DNAJC8: variants seen among roughly 807,000 people sequenced by gnomAD.
The protein encoded by DNAJC8 is dnaJ homolog subfamily C member 8.
DNAJC8 carries 24 observed loss-of-function variants against 43.2 expected under a neutral mutation model. The ratio of observed to expected loss-of-function variants is 0.56; its 90% CI spans 0.40 to 0.78. DNAJC8 has a LOEUF of 0.78. Ranked by LOEUF, DNAJC8 falls within the 30% of genes least tolerant of loss-of-function variation. DNAJC8 has a pLI of 0.00. For missense variants in DNAJC8, 207 were observed against 299.4 expected (o/e 0.69, Z 2.28); for synonymous variants, 83 against 98.0 (o/e 0.85, Z 0.90).
chr1:28,218,888 G>A (rs1379175967), intron 2 of DNAJC8, among the ~76,000 whole-genome samples: 1 of 152,110 alleles, frequency 6.6e-6, no homozygotes, highest in African/African-American at 2.4e-5. Context: ...ATTTACAGAC[G>A]AGGGACTGTA....
chr1:28,212,096 C>T (rs2149017193), intron 3 of DNAJC8, among the ~76,000 whole-genome samples: 1 of 146,522 alleles, frequency 6.8e-6, no homozygotes, highest in African/African-American at 2.5e-5. Flanking sequence ...GTGGAGGCTG[C>T]CGTGAGCCAA....
intron 7 of DNAJC8, among the ~76,000 whole-genome samples, chr1:28,204,227 A>T (rs1172421556): frequency 6.6e-6 from 1 of 152,164 alleles, no homozygotes. Flanking sequence ...ATTTCACACA[A>T]CCTCAACTAG....
chr1:28,227,476 T>C (rs1037839486), intron 2 of DNAJC8, among the ~76,000 whole-genome samples: 2 of 143,688 alleles, frequency 1.4e-5, no homozygotes, highest in Non-Finnish European at 3.1e-5. Context: ...GCTGTAATCC[T>C]AGCACTATGG....
intron 7 of DNAJC8, 89 bp downstream of exon 7, chr1:28,205,169 A>G: frequency 2.0e-6 from 2 of 990,912 alleles, no homozygotes; most frequent in Non-Finnish European, 3.1e-6. Flanking sequence ...GGTATACTAT[A>G]TAATTCCCTC....
chr1:28,214,619 T>C (rs530773399), intron 3 of DNAJC8, among the ~76,000 whole-genome samples: 1 of 152,230 alleles, frequency 6.6e-6, no homozygotes, highest in African/African-American at 2.4e-5. Context: ...TTTGATATGT[T>C]CCCTCCTAGA....
Position 28,210,174 on chromosome 1 carries a change from T to C in DNAJC8, c.305-108A>G. The C allele has an allele frequency of 4.4e-6, 4 of 904,312 alleles. No individual in the cohort carries two copies. In the South Asian group the frequency reaches 5.9e-5, roughly 13 times the overall value. 56.0% of individuals were successfully genotyped at this position (904,312 alleles called of 1,614,324 possible). On this transcript the variant is annotated intron_variant, in intron 4 of 8. Transcript: ENST00000263697. ...GTGCTCTCTAAAGCATTCCCTACTTTAATTATTTACTGTCGTTAAACTAAG... is the reference window on the plus strand; with the variant it reads ...GTGCTCTCTAAAGCATTCCCTACTTCAATTATTTACTGTCGTTAAACTAAG...
chr1:28,230,819 A>C (rs930285213), intron 1 of DNAJC8, among the ~76,000 whole-genome samples: 1 of 152,136 alleles, frequency 6.6e-6, no homozygotes, highest in African/African-American at 2.4e-5. Context: ...TCTAGACCTA[A>C]ATGTAATACT....
intron 8 of DNAJC8, 138 bp from the exon 9 acceptor site, chr1:28,201,508 G>A (rs1646733047): frequency 1.5e-6 from 2 of 1,347,214 alleles, no homozygotes; most frequent in South Asian, 1.4e-5. Context: ...AATAGAGCTG[G>A]CCAGGCACAG....
intron 2 of DNAJC8, among the ~76,000 whole-genome samples, chr1:28,224,581 C>T (rs1302315915): frequency 6.6e-6 from 1 of 151,648 alleles, no homozygotes; most frequent in Non-Finnish European, 1.5e-5. Context: ...GAGACCCCAT[C>T]TTACAAAACA....
rs1462904007 is a variant in DNAJC8, at chr1:28,203,787, T to C, written c.599A>G (p.Glu200Gly). Reference sequence around the variant, plus strand: ...CCACTCTCTTTCCCGTTTGGCTTTTTCTTGAGCTTCAATCTCTTCTTCCCT... The same window carrying C: ...CCACTCTCTTTCCCGTTTGGCTTTTCCTTGAGCTTCAATCTCTTCTTCCCT... ...RQREEEIEAQ[E>G]KAKREREWQK... Residue 200 changes from glutamate to glycine, a missense_variant, in exon 8 of 9, where the codon GAA becomes GGA. This residue lies in a region of DNAJC8 where 159 missense variants were observed against 267.5 expected (regional missense o/e 0.59). Coordinates refer to ENST00000263697, the MANE Select transcript of DNAJC8 (RefSeq NM_014280.3). The C allele has an allele frequency of 6.2e-7, 1 of 1,614,218 alleles. No homozygotes were observed. The highest frequency in any genetic ancestry group is 8.5e-7 in the Non-Finnish European group (1 of 1,180,034).
intron 2 of DNAJC8, among the ~76,000 whole-genome samples, chr1:28,225,220 A>G (rs1340539600): frequency 6.6e-6 from 1 of 151,336 alleles, no homozygotes; most frequent in Non-Finnish European, 1.5e-5. Context: ...TTGATAGTTT[A>G]TATTGTGGTT....
rs1646727064 is a variant in DNAJC8, at chr1:28,200,654, A to G, written c.*594T>C. 2.2e-6 allele frequency: 1 copy of G among 455,216 alleles called. No individual in the cohort carries two copies. The highest frequency in any genetic ancestry group is 1.6e-5 in the South Asian group (1 of 64,504). 28.2% of individuals were successfully genotyped at this position (455,216 alleles called of 1,614,324 possible). A position where few individuals can be genotyped will look rare whatever the true frequency, so the allele number is the denominator to read the frequency against. On this transcript the variant is annotated 3_prime_UTR_variant, in exon 9 of 9. Transcript: ENST00000263697. ...GGGTGGAGGACGGCTAGCTCTTTGGAAAGTGAAAGGTTTGGGTGGCGTGGG... is the reference window on the plus strand; with the variant it reads ...GGGTGGAGGACGGCTAGCTCTTTGGGAAGTGAAAGGTTTGGGTGGCGTGGG...
chr1:28,200,397 A>G lies in DNAJC8; in HGVS notation c.*851T>C. ...GTAGTTACCTTGTATATGCCATGGC[A>G]AATCTGCCCTAAAAGCTGCTGCAGT... On this transcript the variant is annotated 3_prime_UTR_variant, in exon 9 of 9. Coordinates refer to ENST00000263697, the MANE Select transcript of DNAJC8 (RefSeq NM_014280.3). 1 of 444,558 alleles carries G rather than the reference A, an allele frequency of 2.2e-6. No homozygotes were observed. Among genetic ancestry groups the G allele is most frequent in the Non-Finnish European group, 4.5e-6 (1 of 221,222 alleles). 27.5% of individuals were successfully genotyped at this position (444,558 alleles called of 1,614,324 possible). A position where few individuals can be genotyped will look rare whatever the true frequency, so the allele number is the denominator to read the frequency against.
intron 2 of DNAJC8, among the ~76,000 whole-genome samples, chr1:28,221,071 G>A (rs2149021716): frequency 6.6e-6 from 1 of 151,990 alleles, no homozygotes; most frequent in South Asian, 2.1e-4. Context: ...TGGGCGCGGT[G>A]GCTCACGCCT....
chr1:28,223,305 C>T (rs968094415), intron 2 of DNAJC8, among the ~76,000 whole-genome samples: 8 of 151,922 alleles, frequency 5.3e-5, no homozygotes, highest in African/African-American at 1.5e-4. Flanking sequence ...GCCTACTCAG[C>T]GGGGAGGATC....
At chr1:28,228,182 C>CTTG (rs1646950086) in intron 2 of DNAJC8, among the ~76,000 whole-genome samples, 4 of 151,886 alleles carry the variant, frequency 2.6e-5, no homozygotes, top group Non-Finnish European at 5.9e-5. Flanking sequence ...AACCCCATCT[C>CTTG]TACTAAGAAT....
intron 6 of DNAJC8, among the ~76,000 whole-genome samples, chr1:28,207,546 C>A (rs558254938): frequency 6.6e-6 from 1 of 151,082 alleles, no homozygotes. Flanking sequence ...CAGGTTCAAG[C>A]AATTCTCCTG....
chr1:28,208,206 C>CA, intron 6 of DNAJC8, 136 bp downstream of exon 6: 1 of 622,736 alleles, frequency 1.6e-6, no homozygotes, highest in Non-Finnish European at 2.5e-6. Context: ...AACTCAGTCT[C>CA]AAAAATAATA....
At position 28,210,600 on chromosome 1, in the gene DNAJC8, T is replaced by C. The variant is rs1215643572; in HGVS notation, c.275A>G (p.Asp92Gly). 2.5e-6 allele frequency: 4 copies of C among 1,613,842 alleles called. No individual in the cohort carries two copies. The South Asian group carries it at 4.4e-5, about 18-fold the overall frequency. ...ILVHPDKNQD[D>G]ADRAQKAFEA... Reference sequence around the variant, plus strand: ...AAAAGCCTTTTGTGCTCTGTCAGCATCATCTTGATTTTTGTCAGGATGCAC... The same window carrying C: ...AAAAGCCTTTTGTGCTCTGTCAGCACCATCTTGATTTTTGTCAGGATGCAC... Residue 92 changes from aspartate (D) to glycine (G), a missense_variant, in exon 4 of 9, where the codon GAT becomes GGT. Coordinates refer to ENST00000263697, the MANE Select transcript of DNAJC8 (RefSeq NM_014280.3).
Sources: allele counts gnomAD v4.1 joint callset (sites outside exome capture counted in the v4.1 genomes callset), GRCh38; gene constraint gnomAD v4.1.1; regional missense constraint gnomAD v4.1.1; transcripts MANE v1.5; gene names NCBI Gene and HGNC (gene_info 2026-07-23, HGNC 2026-07-21).